The following NCKAP5 variants were observed in gnomAD, a reference collection of about 807,000 sequenced individuals.
NCKAP5 encodes the protein NCK associated protein 5.
A neutral mutation model predicts 167.0 loss-of-function variants in NCKAP5; 92 were observed. The ratio of observed to expected loss-of-function variants is 0.55; its 90% CI spans 0.47 to 0.66. NCKAP5 has a LOEUF of 0.66. NCKAP5 is among the 30% of genes least tolerant of loss of function. The probability of loss-of-function intolerance (pLI) is 0.00; values close to 1 mark genes in which losing one functional copy is unlikely to be tolerated. For missense variants in NCKAP5, 2,378 were observed against 2,315.0 expected (o/e 1.03, Z -0.56); for synonymous variants, 891 against 877.4 (o/e 1.02, Z -0.27).
rs1684628215 is a variant in NCKAP5 at position 132,796,641 on chromosome 2, T to G, written c.896A>C (p.Asp299Ala). 1 of 1,611,378 alleles carries G rather than the reference T, an allele frequency of 6.2e-7. No homozygotes were observed. The highest frequency in any genetic ancestry group is 8.5e-7 in the Non-Finnish European group (1 of 1,178,200). Residue 299 changes from aspartate (D) to alanine (A), a missense_variant, in exon 12 of 20, where the codon GAT becomes GCT. Transcript: ENST00000409261. ...TGGGAAACTCACGTGCACCTCAGCA[T>G]CAGTTCGTGACTGTGTCAGACTTCG... ...RNRSLTQSRTDAEVHEHQLNT... is the reference protein window; with the variant it reads ...RNRSLTQSRTAAEVHEHQLNT...
intron 8 of NCKAP5, among the ~76,000 whole-genome samples, chr2:132,920,771 GTATATATATATATATATATATA>G (rs55895538): frequency 0.11 from 3,477 of 31,590 alleles, 606 homozygotes; most frequent in East Asian, 0.38. Flanking sequence ...ATATATGTAT[GTATATATATATATATATATATA>G]TATATATATA....
intron 3 of NCKAP5, among the ~76,000 whole-genome samples, chr2:133,452,889 A>G (rs549401195): frequency 6.6e-6 from 1 of 152,218 alleles, no homozygotes; most frequent in Admixed American, 6.5e-5. Flanking sequence ...ACCACACCCA[A>G]ATTTAGTATA....
chr2:133,490,686 A>T (rs1012767996), intron 3 of NCKAP5, among the ~76,000 whole-genome samples: 1 of 152,232 alleles, frequency 6.6e-6, no homozygotes, highest in Non-Finnish European at 1.5e-5. Context: ...GGACACTGGG[A>T]TAGGAGGCAC....
At chr2:133,234,969 C>T (rs969724535) in intron 4 of NCKAP5, among the ~76,000 whole-genome samples, 2 of 144,002 alleles carry the variant, frequency 1.4e-5, no homozygotes, top group Non-Finnish European at 3.0e-5. Context: ...GGCCAGTTAA[C>T]AACCAGGGTC....
intron 5 of NCKAP5, among the ~76,000 whole-genome samples, chr2:133,192,995 CA>C (rs1485444443): frequency 6.6e-6 from 1 of 151,966 alleles, no homozygotes; most frequent in African/African-American, 2.4e-5. Context: ...GAAAACAACC[CA>C]AATGTCTTTC....
chr2:133,053,725 C>T (rs2079690504), intron 6 of NCKAP5, among the ~76,000 whole-genome samples: 1 of 152,182 alleles, frequency 6.6e-6, no homozygotes, highest in Admixed American at 6.5e-5. Flanking sequence ...TCAAAGCAAG[C>T]TCCGGTTCCT....
At chr2:133,258,073 C>A (rs2088712255) in intron 4 of NCKAP5, among the ~76,000 whole-genome samples, 1 of 152,184 alleles carries the variant, frequency 6.6e-6, no homozygotes, top group Admixed American at 6.5e-5. Flanking sequence ...CTTGAATTAG[C>A]TGGGTTGCGT....
At chr2:132,865,015 T>C (rs957777299) in intron 10 of NCKAP5, among the ~76,000 whole-genome samples, 1 of 152,074 alleles carries the variant, frequency 6.6e-6, no homozygotes, top group Non-Finnish European at 1.5e-5. Context: ...GCTGCTTTGT[T>C]CCCTCCCTGA....
intron 3 of NCKAP5, among the ~76,000 whole-genome samples, chr2:133,355,205 C>G (rs2150835901): frequency 6.6e-6 from 1 of 152,308 alleles, no homozygotes; most frequent in East Asian, 1.9e-4. Context: ...CTATCTTAAA[C>G]TGTAGCCATT....
chr2:133,265,958 C>A (rs2089182061), intron 4 of NCKAP5, among the ~76,000 whole-genome samples: 2 of 152,308 alleles, frequency 1.3e-5, no homozygotes, highest in South Asian at 4.1e-4. Flanking sequence ...CTTGGGAGGA[C>A]CACAGAACTC....
At chr2:133,583,892 T>C in the NCKAP5 span, among the ~76,000 whole-genome samples, 1 of 152,172 alleles carries the variant, frequency 6.6e-6, no homozygotes, top group Non-Finnish European at 1.5e-5. Context: ...TAGCTGGGAC[T>C]ACAGGCACCC....
intron 8 of NCKAP5, among the ~76,000 whole-genome samples, chr2:132,921,638 T>G (rs1695440418): frequency 6.6e-6 from 1 of 152,198 alleles, no homozygotes; most frequent in Non-Finnish European, 1.5e-5. Context: ...ATCCCGCCTT[T>G]GAAGGCTGAG....
At chr2:132,894,132 G>T (rs1337743549) in intron 8 of NCKAP5, among the ~76,000 whole-genome samples, 1 of 152,242 alleles carries the variant, frequency 6.6e-6, no homozygotes, top group African/African-American at 2.4e-5. Context: ...CAGCAACAAA[G>T]AGCGATGGAA....
In NCKAP5 at chr2:132,826,467, T is replaced by C. The variant is rs140294479; in HGVS notation, c.808-29738A>G. 1.1e-4 allele frequency among the ~76,000 whole-genome samples: 16 copies of C among 152,332 alleles called. No homozygotes were observed. The East Asian group carries it at 3.1e-3, about 29-fold the overall frequency. On this transcript the variant is annotated intron_variant, in intron 11 of 19. Transcript: ENST00000409261. ...GGAACCATTATTTAATTCCCCAGTA[T>C]GGTGTCAACCAAGGGGCTATTAGAG...
At chr2:133,249,672 A>C (rs1208343479) in intron 4 of NCKAP5, among the ~76,000 whole-genome samples, 2 of 152,200 alleles carry the variant, frequency 1.3e-5, no homozygotes, top group Non-Finnish European at 2.9e-5. Flanking sequence ...TGGGTTCTGA[A>C]CAAAAGACAA....
intron 7 of NCKAP5, among the ~76,000 whole-genome samples, chr2:132,964,917 T>A (rs1573571766): frequency 6.6e-6 from 1 of 152,088 alleles, no homozygotes; most frequent in East Asian, 1.9e-4. Context: ...GTTTTCAAAC[T>A]GTGCTCATCA....
At chr2:132,725,865 A>G in intron 18 of NCKAP5, 106 bp from the exon 19 acceptor site, 1 of 1,210,814 alleles carries the variant, frequency 8.3e-7, no homozygotes, top group Non-Finnish European at 1.2e-6. Context: ...CAATGTGTGC[A>G]CAGAATTCCA....
chr2:133,381,150 A>G (rs1010732531), intron 3 of NCKAP5, among the ~76,000 whole-genome samples: 1 of 152,172 alleles, frequency 6.6e-6, no homozygotes, highest in Non-Finnish European at 1.5e-5. Context: ...GGGAAAACAG[A>G]AGGCCATATC....
chr2:133,447,479 C>T (rs2151186132), intron 3 of NCKAP5, among the ~76,000 whole-genome samples: 1 of 148,814 alleles, frequency 6.7e-6, no homozygotes, highest in Middle Eastern at 3.4e-3. Flanking sequence ...CTTCCTTTCC[C>T]TGCCTTTCCC....
Sources: allele counts gnomAD v4.1 joint callset (sites outside exome capture counted in the v4.1 genomes callset), GRCh38; gene constraint gnomAD v4.1.1; transcripts MANE v1.5; gene names NCBI Gene and HGNC (gene_info 2026-07-23, HGNC 2026-07-21).